The following ACOT1 variants were observed in gnomAD, a reference collection of about 807,000 sequenced individuals.
The protein encoded by ACOT1 is acyl-coenzyme A thioesterase 1.
A neutral mutation model predicts 15.7 loss-of-function variants in ACOT1; 8 were observed. The observed-to-expected ratio is 0.51, with a 90% CI of 0.30 to 0.92. The LOEUF (loss-of-function observed/expected upper bound fraction) is 0.92. Among genes scored for constraint, ACOT1 ranks in the 40% least tolerant of loss-of-function variants. ACOT1 has a pLI of 0.06. For missense variants in ACOT1, 151 were observed against 539.4 expected (o/e 0.28, Z 7.13); for synonymous variants, 67 against 241.2 (o/e 0.28, Z 6.69).
At chr14:73,535,469 C>CTT (rs869167008), upstream of ACOT1, among the ~76,000 whole-genome samples, 2 of 16,534 alleles carry the variant, frequency 1.2e-4, no homozygotes, top group African/African-American at 1.8e-4. Context: ...TTTCTTCTTT[C>CTT]TTTTTTTTTT....
chr14:73,499,210 G>A, the ACOT1 span: 2 of 1,296,442 alleles, frequency 1.5e-6, no homozygotes, highest in East Asian at 2.3e-5. Context: ...GCTGGGTGCG[G>A]TGGTGCACCC....
the ACOT1 span, chr14:73,491,830 A>C: frequency 1.9e-6 from 3 of 1,606,974 alleles, no homozygotes; most frequent in Non-Finnish European, 2.5e-6. Flanking sequence ...TCAACGGACG[A>C]CGCGAGACCC....
the ACOT1 span, chr14:73,491,559 G>A: frequency 6.5e-7 from 1 of 1,539,384 alleles, no homozygotes; most frequent in South Asian, 1.2e-5. Context: ...GAGCCGGCCT[G>A]GGACTCCCCG....
the ACOT1 span, among the ~76,000 whole-genome samples, chr14:73,504,464 G>C: frequency 3.9e-5 from 6 of 151,982 alleles, no homozygotes; most frequent in East Asian, 3.9e-4. Flanking sequence ...GGATGGTCTC[G>C]ATCTCCTGAC....
the ACOT1 span, chr14:73,513,951 T>A: frequency 1.4e-6 from 2 of 1,428,128 alleles, no homozygotes; most frequent in Non-Finnish European, 9.9e-7. Context: ...GATGGATTTT[T>A]CAAAGACTGA....
At chr14:73,538,722 A>G (rs1265496980) in intron 1 of ACOT1, among the ~76,000 whole-genome samples, 1 of 114,058 alleles carries the variant, frequency 8.8e-6, no homozygotes, top group Non-Finnish European at 1.9e-5. Context: ...TAACACCTGT[A>G]ATCCTAGCAC....
At chr14:73,499,013 A>G in the ACOT1 span, 1 of 1,446,524 alleles carries the variant, frequency 6.9e-7, no homozygotes, top group Non-Finnish European at 9.7e-7. Flanking sequence ...GATCATTTCT[A>G]CTTGCATAGG....
the ACOT1 span, chr14:73,500,854 G>A: frequency 2.5e-6 from 2 of 810,766 alleles, no homozygotes; most frequent in East Asian, 5.3e-5. Context: ...TCAGCCTTAT[G>A]CTCATGAGAT....
At chr14:73,492,857 G>T in the ACOT1 span, 6 of 1,613,960 alleles carry the variant, frequency 3.7e-6, no homozygotes, top group Non-Finnish European at 5.1e-6. This position sits in a 1 kb window ranked among gnomAD's most constrained non-coding sequence, Gnocchi z 4.9. Flanking sequence ...CCTGCCCTGT[G>T]ACAGTGTGGA....
the ACOT1 span, chr14:73,512,007 TGA>T: frequency 6.2e-7 from 1 of 1,613,970 alleles, no homozygotes; most frequent in Non-Finnish European, 8.5e-7. Context: ...GGCTCTCACC[TGA>T]GTCTCTCTGG....
At chr14:73,535,863 T>C (rs1888851642), upstream of ACOT1, among the ~76,000 whole-genome samples, 1 of 115,764 alleles carries the variant, frequency 8.6e-6, no homozygotes, top group Admixed American at 9.7e-5. Flanking sequence ...AGCCTCCAAG[T>C]AAACTGGGAT....
the ACOT1 span, among the ~76,000 whole-genome samples, chr14:73,522,025 C>T: frequency 6.6e-6 from 1 of 152,216 alleles, no homozygotes; most frequent in African/African-American, 2.4e-5. Context: ...GGGTATGAGC[C>T]AGGGATGCTG....
the ACOT1 span, among the ~76,000 whole-genome samples, chr14:73,522,079 A>G: frequency 2.6e-5 from 4 of 152,340 alleles, no homozygotes; most frequent in African/African-American, 9.6e-5. Flanking sequence ...AACAAAAATT[A>G]TCCAACCCAG....
the ACOT1 span, among the ~76,000 whole-genome samples, chr14:73,529,803 A>G: frequency 2.0e-5 from 3 of 151,828 alleles, no homozygotes; most frequent in African/African-American, 2.4e-5. Flanking sequence ...CCTTGAAAGA[A>G]AAGACTAAAA....
the ACOT1 span, chr14:73,491,940 T>G: frequency 6.2e-7 from 1 of 1,613,706 alleles, no homozygotes; most frequent in Non-Finnish European, 8.5e-7. Flanking sequence ...TCTACTACTG[T>G]GTGGCAGTTT....
chr14:73,534,314 A>G (rs1318504739), upstream of ACOT1, among the ~76,000 whole-genome samples: 5 of 106,478 alleles, frequency 4.7e-5, 2 homozygotes, highest in African/African-American at 6.1e-5. Context: ...GGGAGCCAGA[A>G]GTTGCAGTGA....
chr14:73,511,711 CCAAAAA>C, the ACOT1 span, among the ~76,000 whole-genome samples: 3 of 151,938 alleles, frequency 2.0e-5, no homozygotes, highest in South Asian at 2.1e-4. Flanking sequence ...ACAGTCTCTA[CCAAAAA>C]CAAAAACAAA....
chr14:73,528,007 A>G, the ACOT1 span, among the ~76,000 whole-genome samples: 8,560 of 150,168 alleles, frequency 0.057, 278 homozygotes, highest in Middle Eastern at 0.1. Context: ...GGATGTCCCC[A>G]GATAAATGCC....
At chr14:73,541,380 G>A in intron 1 of ACOT1, 113 bp from the exon 2 acceptor site, 1 of 889,876 alleles carries the variant, frequency 1.1e-6, no homozygotes, top group Non-Finnish European at 1.6e-6. Flanking sequence ...TAGATACCTA[G>A]GAGTGGGATT....
Sources: gnomAD v4.1 joint callset for allele counts (sites outside exome capture counted in the v4.1 genomes callset) on GRCh38, gnomAD v4.1.1 for gene constraint, Gnocchi (gnomAD v3.1) non-coding constraint, MANE v1.5 for transcripts, NCBI Gene and HGNC (gene_info 2026-07-23, HGNC 2026-07-21) for gene names.